The following UGT1A9 variants were observed in gnomAD, a reference collection of about 807,000 sequenced individuals.
The protein encoded by UGT1A9 is UDP-glucuronosyltransferase 1A9.
Under a neutral mutation model 45.0 loss-of-function variants are expected in UGT1A9, and 35 were observed. The ratio of observed to expected loss-of-function variants is 0.78; its 90% CI spans 0.59 to 1.03. UGT1A9 has a LOEUF of 1.03. UGT1A9 is among the 50% of genes least tolerant of loss of function. UGT1A9 has a pLI of 0.00. For missense variants in UGT1A9, 687 were observed against 666.6 expected (o/e 1.03, Z -0.34); for synonymous variants, 278 against 250.6 (o/e 1.11, Z -1.03).
At chr2:233,687,735 T>C (rs2074861022) in intron 1 of UGT1A9, among the ~76,000 whole-genome samples, 1 of 151,990 alleles carries the variant, frequency 6.6e-6, no homozygotes, top group Non-Finnish European at 1.5e-5. Flanking sequence ...AGACACTGTC[T>C]CTACAAAAAA....
intron 1 of UGT1A9, chr2:233,690,834 GA>G (rs1393165111): frequency 9.4e-7 from 1 of 1,069,408 alleles, no homozygotes; most frequent in Non-Finnish European, 1.1e-6. Context: ...ACAGGAGAAA[GA>G]AAAATGTTTT....
intron 1 of UGT1A9, among the ~76,000 whole-genome samples, chr2:233,759,577 C>A (rs970785241): frequency 2.6e-5 from 4 of 151,886 alleles, no homozygotes; most frequent in Admixed American, 2.6e-4. Flanking sequence ...CATTCTCTAC[C>A]CCAGCACGCC....
chr2:233,682,893 G>A, intron 1 of UGT1A9: 19 of 1,506,370 alleles, frequency 1.3e-5, no homozygotes, highest in Non-Finnish European at 1.6e-5. Context: ...GTCCCATTTG[G>A]AATTTCTTTC....
intron 1 of UGT1A9, among the ~76,000 whole-genome samples, chr2:233,698,132 G>A (rs1231040285): frequency 6.6e-6 from 1 of 152,170 alleles, no homozygotes; most frequent in Non-Finnish European, 1.5e-5. Flanking sequence ...CCTTGTTTGT[G>A]TCTCAACTGT....
intron 1 of UGT1A9, chr2:233,747,139 T>C: frequency 6.4e-7 from 1 of 1,552,428 alleles, no homozygotes; most frequent in East Asian, 2.3e-5. Flanking sequence ...AGTGACAAGG[T>C]AATTAAGATG....
At chr2:233,690,491 C>G in intron 1 of UGT1A9, 2 of 1,289,678 alleles carry the variant, frequency 1.6e-6, no homozygotes, top group South Asian at 2.5e-5. Context: ...GAAATCTGCT[C>G]TTGCCAACAG....
At chr2:233,734,101 T>C (rs2078479429) in intron 1 of UGT1A9, among the ~76,000 whole-genome samples, 1 of 151,280 alleles carries the variant, frequency 6.6e-6, no homozygotes. Context: ...AAACTTAAAG[T>C]ATAATAATAA....
intron 1 of UGT1A9, among the ~76,000 whole-genome samples, chr2:233,761,373 T>G (rs1041958865): frequency 6.6e-6 from 1 of 152,254 alleles, no homozygotes; most frequent in Middle Eastern, 3.2e-3. Context: ...TTGGACATTT[T>G]ACTCTGTGTG....
intron 1 of UGT1A9, among the ~76,000 whole-genome samples, chr2:233,727,867 C>G (rs1213003028): frequency 6.6e-6 from 1 of 152,194 alleles, no homozygotes; most frequent in Non-Finnish European, 1.5e-5. Context: ...AGGGAAGCCT[C>G]AGCCTCACCA....
At chr2:233,682,734 T>C in intron 1 of UGT1A9, 1 of 1,613,986 alleles carries the variant, frequency 6.2e-7, no homozygotes, top group Non-Finnish European at 8.5e-7. Context: ...AAACCCGTGA[T>C]GCCCAATATG....
At chr2:233,697,702 C>T (rs971545234) in intron 1 of UGT1A9, among the ~76,000 whole-genome samples, 6 of 151,892 alleles carry the variant, frequency 4.0e-5, no homozygotes, top group Non-Finnish European at 4.4e-5. Context: ...TGGATGTAGG[C>T]ATTTATTGTT....
chr2:233,714,236 G>A (rs560631891), intron 1 of UGT1A9, among the ~76,000 whole-genome samples: 1 of 152,282 alleles, frequency 6.6e-6, no homozygotes, highest in South Asian at 2.1e-4. Flanking sequence ...ATTTTCAGTA[G>A]AAAGGAGGAA....
intron 1 of UGT1A9, chr2:233,681,970 C>T (rs7577677): frequency 1.9e-6 from 3 of 1,613,842 alleles, no homozygotes; most frequent in South Asian, 2.2e-5. Context: ...GCCTCCTTCC[C>T]CTATATGTGT....
intron 1 of UGT1A9, chr2:233,747,252 C>T (rs766084078): frequency 6.9e-6 from 11 of 1,600,814 alleles, no homozygotes; most frequent in Non-Finnish European, 9.4e-6. Context: ...TGTGGCTGGC[C>T]ACAGGAGTGC....
intron 1 of UGT1A9, among the ~76,000 whole-genome samples, chr2:233,746,336 A>G (rs1235397882): frequency 1.3e-5 from 2 of 151,736 alleles, no homozygotes; most frequent in Non-Finnish European, 2.9e-5. Context: ...AGGGCAATGG[A>G]CATGTTTATG....
At chr2:233,763,651 C>T (rs1168041564) in intron 1 of UGT1A9, among the ~76,000 whole-genome samples, 2 of 152,174 alleles carry the variant, frequency 1.3e-5, no homozygotes, top group Non-Finnish European at 2.9e-5. Context: ...TCTCAATACT[C>T]TTGATAAAAC....
Position 233,701,435 on chromosome 2 carries a change from C to T in UGT1A9, c.855+28646C>T, listed in dbSNP as rs1178941993. 5.3e-5 allele frequency among the ~76,000 whole-genome samples: 8 copies of T among 152,034 alleles called. 1 individual carries two copies. Among genetic ancestry groups the T allele is most frequent in the East Asian group, 1.9e-4 (1 of 5,192 alleles). On this transcript the variant is annotated intron_variant, in intron 1 of 4. Transcript: ENST00000354728. ...CCACTGTCAACATTAGACAGATCAA[C>T]GAGACAGAAAGTTAACAAGGATACC...
intron 1 of UGT1A9, among the ~76,000 whole-genome samples, chr2:233,714,482 T>C (rs1196810093): frequency 6.6e-6 from 1 of 152,180 alleles, no homozygotes; most frequent in African/African-American, 2.4e-5. Flanking sequence ...AGAATGTTTC[T>C]TGTGAAGACA....
chr2:233,693,611 A>T (rs1423413232), intron 1 of UGT1A9: 1 of 1,614,080 alleles, frequency 6.2e-7, no homozygotes, highest in African/African-American at 1.3e-5. Flanking sequence ...TTCAGACCAC[A>T]TGACTTTTTC....
Sources: allele counts gnomAD v4.1 joint callset (sites outside exome capture counted in the v4.1 genomes callset), GRCh38; gene constraint gnomAD v4.1.1; transcripts MANE v1.5; gene names NCBI Gene and HGNC (gene_info 2026-07-23, HGNC 2026-07-21).